Variants in CDH11 observed in about 807,000 individuals in gnomAD.
CDH11 encodes the protein cadherin 11.
In CDH11, 11 loss-of-function variants were observed where a neutral mutation model predicts 67.8. The observed-to-expected ratio is 0.16, with a 90% CI of 0.10 to 0.27. CDH11 has a LOEUF of 0.27. CDH11 is among the 10% of genes least tolerant of loss of function. The pLI is 1.00. For synonymous variants in CDH11, 419 were observed against 400.0 expected, an observed-to-expected ratio of 1.05 and a Z score of -0.57; for missense variants, 847 against 1,031.2, an observed-to-expected ratio of 0.82 and a Z score of 2.45.
intron 1 of CDH11, among the ~76,000 whole-genome samples, chr16:65,073,465 A>T (rs1388160381): frequency 6.6e-6 from 1 of 152,158 alleles, no homozygotes; most frequent in South Asian, 2.1e-4. Flanking sequence ...TAATTTTAGT[A>T]GAGATGGGGT....
intron 3 of CDH11, among the ~76,000 whole-genome samples, chr16:65,003,438 G>A (rs2072973002): frequency 2.0e-5 from 3 of 152,016 alleles, no homozygotes; most frequent in Admixed American, 2.0e-4. Context: ...TGTGTTGTTA[G>A]TAGAGACGGG....
At chr16:65,021,327 A>C (rs80057338) in intron 2 of CDH11, among the ~76,000 whole-genome samples, 1 of 152,162 alleles carries the variant, frequency 6.6e-6, no homozygotes, top group African/African-American at 2.4e-5. Context: ...GGGATTCCAT[A>C]AGGAAAATAG....
intron 8 of CDH11, among the ~76,000 whole-genome samples, chr16:64,976,703 TACA>T (rs2142441263): frequency 6.6e-6 from 1 of 152,190 alleles, no homozygotes; most frequent in African/African-American, 2.4e-5. Flanking sequence ...ATACTAAATA[TACA>T]AAATTAGCTG....
intron 1 of CDH11, among the ~76,000 whole-genome samples, chr16:65,083,607 C>T (rs1170525248): frequency 1.3e-5 from 2 of 152,212 alleles, no homozygotes; most frequent in East Asian, 1.9e-4. Context: ...CAAATCATTG[C>T]TGAGGCAAGA....
chr16:64,993,203 TTCC>T (rs1240857428), intron 4 of CDH11, among the ~76,000 whole-genome samples, 169 bp from the exon 5 acceptor site: 12 of 150,516 alleles, frequency 8.0e-5, no homozygotes, highest in Admixed American at 3.3e-4. Flanking sequence ...CCAACCTTCC[TTCC>T]TTCCTTCCTT....
chr16:65,074,191 A>C (rs57830177), intron 1 of CDH11, among the ~76,000 whole-genome samples: 1,580 of 152,258 alleles, frequency 0.01, 30 homozygotes, highest in African/African-American at 0.036. Flanking sequence ...AGAAGCAGGG[A>C]TAGGAATGCC....
Position 65,121,955 on chromosome 16 carries a change from C to G in CDH11, c.-373G>C. On this transcript the variant is annotated 5_prime_UTR_variant, in exon 1 of 13. Transcript: ENST00000268603. This position sits in a 1 kb window ranked among gnomAD's most constrained non-coding sequence, Gnocchi z 4.1. Reference sequence around the variant, plus strand: ...AGGGCAAGCGCTGCGGTGTCAGTCCCGGCCCCAGTCCCGGTCCCATTCACA... The same window carrying G: ...AGGGCAAGCGCTGCGGTGTCAGTCCGGGCCCCAGTCCCGGTCCCATTCACA... 1 of 701,790 alleles carries G rather than the reference C, an allele frequency of 1.4e-6. No homozygotes were observed. The highest frequency in any genetic ancestry group is 2.0e-5 in the Admixed American group (1 of 49,984). The allele number at this position is 701,790 out of a possible 1,614,324, so 43.5% of individuals were successfully genotyped here.
chr16:65,122,097 A>T, upstream of CDH11: 1 of 365,092 alleles, frequency 2.7e-6, no homozygotes, highest in East Asian at 8.3e-5. Flanking sequence ...AGGAATGAGA[A>T]ACCGGGGGGA....
chr16:64,999,245 C>G (rs1280406498), intron 3 of CDH11, among the ~76,000 whole-genome samples: 1 of 152,218 alleles, frequency 6.6e-6, no homozygotes, highest in East Asian at 1.9e-4. Flanking sequence ...CCTCTCAGCT[C>G]TGACTCCCAT....
chr16:65,122,420 A>G, upstream of CDH11: 1 of 183,800 alleles, frequency 5.4e-6, no homozygotes, highest in Non-Finnish European at 1.1e-5. Flanking sequence ...AGGGCGGCGG[A>G]GGGAAGCTGG....
intron 3 of CDH11, among the ~76,000 whole-genome samples, chr16:64,999,714 T>C (rs1010445171): frequency 5.3e-5 from 8 of 152,102 alleles, no homozygotes; most frequent in Non-Finnish European, 1.2e-4. Flanking sequence ...TTTGTATTTT[T>C]AGTAGAGACA....
chr16:65,030,764 T>C (rs1308966619), intron 2 of CDH11, among the ~76,000 whole-genome samples: 1 of 152,164 alleles, frequency 6.6e-6, no homozygotes, highest in Non-Finnish European at 1.5e-5. Flanking sequence ...AGTTTCACCA[T>C]GTTGCACAGG....
chr16:65,044,000 A>C (rs1026557621), intron 2 of CDH11, among the ~76,000 whole-genome samples: 3 of 152,142 alleles, frequency 2.0e-5, no homozygotes, highest in Non-Finnish European at 4.4e-5. Context: ...TGGATAATGC[A>C]CAAGGAAGGT....
chr16:65,011,097 T>TTA lies in CDH11; in HGVS notation c.-172-6058_-172-6057dup, dbSNP rs891381501. 7.4e-3 allele frequency among the ~76,000 whole-genome samples: 854 copies of TTA among 114,840 alleles called. 5 individuals carry two copies. The highest frequency in any genetic ancestry group is 0.011 in the Non-Finnish European group (613 of 54,414). The allele number at this position is 114,840 out of a possible 152,430, so 75.3% of individuals were successfully genotyped here. On this transcript the variant is annotated intron_variant, in intron 2 of 12. Transcript: ENST00000268603. ...ATGTATATATACACACACATATTTTTTATATATATATATATACATACACAC... is the reference window on the plus strand; with the variant it reads ...ATGTATATATACACACACATATTTTTTATATATATATATATATACATACACAC...
At chr16:65,066,078 T>A (rs937825312) in intron 1 of CDH11, among the ~76,000 whole-genome samples, 3 of 152,242 alleles carry the variant, frequency 2.0e-5, no homozygotes, top group Non-Finnish European at 2.9e-5. Context: ...CCTTCATTAG[T>A]GAGCCTCACT....
intron 2 of CDH11, among the ~76,000 whole-genome samples, chr16:65,041,111 C>T (rs1278567374): frequency 6.6e-6 from 1 of 152,228 alleles, no homozygotes. Context: ...CGCCAAAGTG[C>T]TGGGCAATTG....
At chr16:65,014,837 A>C (rs976295998) in intron 2 of CDH11, among the ~76,000 whole-genome samples, 15 of 151,940 alleles carry the variant, frequency 9.9e-5, no homozygotes, top group African/African-American at 3.6e-4. Flanking sequence ...TGTTTGAGGA[A>C]TAAAGAGCAT....
At chr16:65,093,265 T>A (rs2074825367) in intron 1 of CDH11, among the ~76,000 whole-genome samples, 1 of 147,636 alleles carries the variant, frequency 6.8e-6, no homozygotes, top group East Asian at 2.0e-4. Flanking sequence ...AAGGCAAAAA[T>A]TCCACCCTGG....
intron 2 of CDH11, among the ~76,000 whole-genome samples, chr16:65,012,338 C>A (rs2142551394): frequency 6.6e-6 from 1 of 152,242 alleles, no homozygotes; most frequent in African/African-American, 2.4e-5. Flanking sequence ...ATAAACCAAC[C>A]ATTGATTGTT....
Sources: gnomAD v4.1 joint callset for allele counts (sites outside exome capture counted in the v4.1 genomes callset) on GRCh38, gnomAD v4.1.1 for gene constraint, Gnocchi (gnomAD v3.1) non-coding constraint, MANE v1.5 for transcripts, NCBI Gene and HGNC (gene_info 2026-07-23, HGNC 2026-07-21) for gene names.